Variants in CACNA1C observed in about 807,000 individuals in gnomAD.
CACNA1C encodes calcium voltage-gated channel subunit alpha1 C.
A neutral mutation model predicts 229.0 loss-of-function variants in CACNA1C; 30 were observed. The ratio of observed to expected loss-of-function variants is 0.13; its 90% CI spans 0.10 to 0.18. The LOEUF is 0.18. CACNA1C is among the 10% of genes least tolerant of loss of function. The pLI is 1.00. For synonymous variants in CACNA1C, 1,114 were observed against 1,132.5 expected, an observed-to-expected ratio of 0.98 and a Z score of 0.33; for missense variants, 1,658 against 2,845.0, an observed-to-expected ratio of 0.58 and a Z score of 9.49.
At chr12:2,461,834 G>A (rs368507662) in intron 5 of CACNA1C, among the ~76,000 whole-genome samples, 143 of 152,258 alleles carry the variant, frequency 9.4e-4, no homozygotes, top group African/African-American at 3.3e-3. Flanking sequence ...TCAGCTCAGC[G>A]CTGGCCGCCC....
At chr12:2,606,282 C>T (rs945215995) in intron 24 of CACNA1C, among the ~76,000 whole-genome samples, 4 of 152,006 alleles carry the variant, frequency 2.6e-5, no homozygotes, top group Non-Finnish European at 5.9e-5. Context: ...CTAGAGCATT[C>T]GCCCCCGCTC....
chr12:2,083,753 C>A (rs58758680), intron 1 of CACNA1C, among the ~76,000 whole-genome samples: 2,368 of 152,240 alleles, frequency 0.016, 61 homozygotes, highest in African/African-American at 0.054. Flanking sequence ...TGCCAAGAAC[C>A]ACAAGAGCTG....
intron 42 of CACNA1C, among the ~76,000 whole-genome samples, chr12:2,681,416 AGAG>A (rs540960806): frequency 9.4e-4 from 143 of 152,334 alleles, no homozygotes; most frequent in African/African-American, 3.1e-3. Context: ...AGCTTGGTGA[AGAG>A]GAGGAGCATA....
At chr12:2,013,642 G>A (rs971593250) in intron 1 of CACNA1C, among the ~76,000 whole-genome samples, 3 of 152,174 alleles carry the variant, frequency 2.0e-5, no homozygotes, top group African/African-American at 7.2e-5. Flanking sequence ...GGTGTTTTCA[G>A]GACCTGTTGT....
intron 1 of CACNA1C, among the ~76,000 whole-genome samples, chr12:1,994,353 T>A (rs559956769): frequency 6.6e-6 from 1 of 152,332 alleles, no homozygotes; most frequent in Non-Finnish European, 1.5e-5. Context: ...TGTTTATGTC[T>A]TAGTTTTATT....
Position 2,135,446 on chromosome 12 carries a change from T to G in CACNA1C, c.477+15016T>G, listed in dbSNP as rs1189001167. Among the ~76,000 whole-genome samples the G allele has an allele frequency of 6.2e-3, 829 of 134,440 alleles. 13 individuals carry two copies. Among genetic ancestry groups the G allele is most frequent in the Middle Eastern group, 0.025 (7 of 284 alleles). 88.2% of individuals were successfully genotyped at this position (134,440 alleles called of 152,430 possible). ...TCCCCATCTTTGTGGTTTTATCTAC[T>G]TTTGGTCTTTGATGATGGTGATGTA... On this transcript the variant is annotated intron_variant, in intron 3 of 46. Coordinates refer to ENST00000399655, the MANE Select transcript of CACNA1C (RefSeq NM_000719.7).
At chr12:2,063,893 G>A (rs999322683) in intron 1 of CACNA1C, among the ~76,000 whole-genome samples, 8 of 152,116 alleles carry the variant, frequency 5.3e-5, no homozygotes, top group Non-Finnish European at 1.2e-4. Flanking sequence ...GTTATTTTGG[G>A]TTTACCTAGG....
At chr12:2,297,365 T>C (rs1039124458) in intron 3 of CACNA1C, among the ~76,000 whole-genome samples, 1 of 152,156 alleles carries the variant, frequency 6.6e-6, no homozygotes, top group Non-Finnish European at 1.5e-5. Flanking sequence ...GACTGAAAAA[T>C]AGAAAACCAT....
At chr12:2,179,496 C>T (rs1028732083) in intron 3 of CACNA1C, among the ~76,000 whole-genome samples, 5 of 152,202 alleles carry the variant, frequency 3.3e-5, no homozygotes, top group South Asian at 2.1e-4. Context: ...TTGCCCCACT[C>T]GATGCGTGAT....
At chr12:2,158,431 G>A (rs931097130) in intron 3 of CACNA1C, among the ~76,000 whole-genome samples, 1 of 152,142 alleles carries the variant, frequency 6.6e-6, no homozygotes, top group African/African-American at 2.4e-5. Flanking sequence ...CAAAAAATTA[G>A]CGAGGCTTGG....
chr12:2,363,570 C>T (rs1470216815), intron 3 of CACNA1C, among the ~76,000 whole-genome samples: 1 of 152,196 alleles, frequency 6.6e-6, no homozygotes, highest in African/African-American at 2.4e-5. Flanking sequence ...GGGAGTGCTT[C>T]CACAGTGCCC....
chr12:2,405,303 A>G (rs1567492604), intron 3 of CACNA1C, among the ~76,000 whole-genome samples: 1 of 152,206 alleles, frequency 6.6e-6, no homozygotes, highest in Non-Finnish European at 1.5e-5. Context: ...ACGTGCATGT[A>G]TAGTTCTGTG....
chr12:2,406,711 A>G (rs1240187158), intron 3 of CACNA1C, among the ~76,000 whole-genome samples: 2 of 152,178 alleles, frequency 1.3e-5, no homozygotes, highest in African/African-American at 2.4e-5. Flanking sequence ...GCAGCATTTT[A>G]CAGTAGCCAC....
chr12:2,116,079 C>T (rs1367578573), intron 2 of CACNA1C, among the ~76,000 whole-genome samples: 1 of 152,158 alleles, frequency 6.6e-6, no homozygotes, highest in African/African-American at 2.4e-5. Flanking sequence ...AGCAGTGGTT[C>T]TCAGCCCTGA....
At chr12:2,299,316 C>T (rs1015995112) in intron 3 of CACNA1C, among the ~76,000 whole-genome samples, 3 of 152,148 alleles carry the variant, frequency 2.0e-5, no homozygotes, top group East Asian at 1.9e-4. Flanking sequence ...AAGTGGTTCT[C>T]GTGCAGCCAA....
intron 34 of CACNA1C, among the ~76,000 whole-genome samples, chr12:2,657,047 T>G (rs1176840755): frequency 6.6e-6 from 1 of 152,184 alleles, no homozygotes; most frequent in African/African-American, 2.4e-5. Context: ...AATAGAGACA[T>G]TTCCAAGTGT....
At chr12:2,230,444 A>G (rs944341795) in intron 3 of CACNA1C, among the ~76,000 whole-genome samples, 3 of 152,244 alleles carry the variant, frequency 2.0e-5, no homozygotes, top group Non-Finnish European at 2.9e-5. Flanking sequence ...AGGAACTCTC[A>G]GTGCGACCCC....
chr12:2,389,891 C>T (rs547577298), intron 3 of CACNA1C, among the ~76,000 whole-genome samples: 1 of 152,262 alleles, frequency 6.6e-6, no homozygotes. Flanking sequence ...AGTGAATTCC[C>T]GTATTTCCCT....
In CACNA1C at chr12:2,286,814, T is replaced by G. The variant is rs565130527; in HGVS notation, c.478-162162T>G. Among the ~76,000 whole-genome samples, 15 of 152,362 alleles carry G rather than the reference T, an allele frequency of 9.8e-5. No individual in the cohort carries two copies. The South Asian group carries it at 3.1e-3, about 32-fold the overall frequency. On this transcript the variant is annotated intron_variant, in intron 3 of 46. Transcript: ENST00000399655. ...TTACAACTTTTATGTTTTTTCTTACTGAGCAATGCTCATAACAGGAGAAAG... is the reference window on the plus strand; with the variant it reads ...TTACAACTTTTATGTTTTTTCTTACGGAGCAATGCTCATAACAGGAGAAAG...
Sources: gnomAD v4.1 joint callset for allele counts (sites outside exome capture counted in the v4.1 genomes callset) on GRCh38, gnomAD v4.1.1 for gene constraint, MANE v1.5 for transcripts, NCBI Gene and HGNC (gene_info 2026-07-23, HGNC 2026-07-21) for gene names.